Variants in RHOQ observed in about 807,000 individuals in gnomAD.
The protein encoded by RHOQ is ras homolog family member Q, also known as rho-related GTP-binding protein RhoQ.
RHOQ carries 7 observed loss-of-function variants against 25.8 expected under a neutral mutation model. The ratio of observed to expected loss-of-function variants is 0.27; its 90% CI spans 0.15 to 0.51. RHOQ has a LOEUF of 0.51. Among genes scored for constraint, RHOQ ranks in the 20% least tolerant of loss-of-function variants. The pLI is 0.97. For missense variants in RHOQ, 165 were observed against 260.6 expected (o/e 0.63, Z 2.53); for synonymous variants, 97 against 98.6 (o/e 0.98, Z 0.10).
At chr2:46,547,426 T>C (rs978538358) in intron 2 of RHOQ, among the ~76,000 whole-genome samples, 14 of 152,232 alleles carry the variant, frequency 9.2e-5, no homozygotes, top group African/African-American at 3.4e-4. Flanking sequence ...TGACCTCTGC[T>C]GCTATTAGCA....
At chr2:46,557,497 T>C (rs972838019) in intron 2 of RHOQ, among the ~76,000 whole-genome samples, 4 of 151,870 alleles carry the variant, frequency 2.6e-5, no homozygotes, top group African/African-American at 9.7e-5. Flanking sequence ...TTAAAGAAAA[T>C]GCACATGTAT....
chr2:46,554,640 G>A (rs549030757), intron 2 of RHOQ, among the ~76,000 whole-genome samples: 1 of 152,252 alleles, frequency 6.6e-6, no homozygotes, highest in East Asian at 1.9e-4. Flanking sequence ...GTCACAAGGA[G>A]TGGCTGAAGG....
chr2:46,573,440 C>T (rs1050267056), intron 2 of RHOQ, among the ~76,000 whole-genome samples: 1 of 152,216 alleles, frequency 6.6e-6, no homozygotes, highest in Non-Finnish European at 1.5e-5. Flanking sequence ...AGTAACATTT[C>T]TTTCCAAGGA....
rs761625689 is a variant in RHOQ at position 46,559,151 on chromosome 2, T to TTTGTTG, written c.201+15357_201+15362dup. Among the ~76,000 whole-genome samples the TTTGTTG allele has an allele frequency of 4.6e-5, 7 of 151,930 alleles. 1 individual carries two copies. In the East Asian group the frequency reaches 7.7e-4, roughly 17 times the overall value. On this transcript the variant is annotated intron_variant, in intron 2 of 4. Coordinates refer to ENST00000238738, the MANE Select transcript of RHOQ (RefSeq NM_012249.4). ...TGTTTGTTTGTTTCTTTGGTTTCTT[T>TTTGTTG]TTGTTGTTGTTGTTGTTGTTGTTTG...
At position 46,583,592 on chromosome 2, in the gene RHOQ, T is replaced by C. The variant is rs1311596280; in HGVS notation, c.*2509T>C. Among the ~76,000 whole-genome samples, 1 of 152,152 alleles carries C rather than the reference T, an allele frequency of 6.6e-6. No individual in the cohort carries two copies. The highest frequency in any genetic ancestry group is 1.5e-5 in the Non-Finnish European group (1 of 68,004). ...GCTTTGGTTCTTTAGTTTTTCTTTTTGCAAAAATCCTTCCTGTCACTTTAA... is the reference window on the plus strand; with the variant it reads ...GCTTTGGTTCTTTAGTTTTTCTTTTCGCAAAAATCCTTCCTGTCACTTTAA... On this transcript the variant is annotated 3_prime_UTR_variant, in exon 5 of 5. Transcript: ENST00000238738.
intron 2 of RHOQ, among the ~76,000 whole-genome samples, chr2:46,545,988 A>G (rs1668032208): frequency 6.6e-6 from 1 of 152,302 alleles, no homozygotes; most frequent in Admixed American, 6.5e-5. Context: ...AATGCTGGAC[A>G]CCATTGGTGG....
At chr2:46,544,184 T>C (rs1482379598) in intron 2 of RHOQ, among the ~76,000 whole-genome samples, 1 of 152,112 alleles carries the variant, frequency 6.6e-6, no homozygotes, top group Non-Finnish European at 1.5e-5. Context: ...TGGTCCCTCA[T>C]TGGTGAGTGG....
chr2:46,571,948 G>C (rs1281358550), intron 2 of RHOQ, among the ~76,000 whole-genome samples: 2 of 152,060 alleles, frequency 1.3e-5, no homozygotes, highest in African/African-American at 4.8e-5. Flanking sequence ...GCAGAAGTAA[G>C]GCTCATGGGC....
rs185944343 is a variant in RHOQ at position 46,563,463 on chromosome 2, C to T, written c.202-12624C>T. Among the ~76,000 whole-genome samples the T allele has an allele frequency of 6.7e-3, 1,024 of 152,174 alleles. 34 individuals carry two copies. Among genetic ancestry groups the T allele is most frequent in the Admixed American group, 0.052 (800 of 15,288 alleles). On this transcript the variant is annotated intron_variant, in intron 2 of 4. Coordinates refer to ENST00000238738, the MANE Select transcript of RHOQ (RefSeq NM_012249.4). ...TGAGGCTATTTGTTTTGTGATAGGC[C>T]GGGAAGAGCCCCCACGGGGAACCGT...
At chr2:46,564,525 T>G (rs2104008293) in intron 2 of RHOQ, among the ~76,000 whole-genome samples, 1 of 152,316 alleles carries the variant, frequency 6.6e-6, no homozygotes, top group East Asian at 1.9e-4. Context: ...AGATGGCAGA[T>G]TGCACTGTAT....
In RHOQ at chr2:46,583,043, A is replaced by AATT. The variant is rs1236381925; in HGVS notation, c.*1962_*1964dup. 1 of 152,330 alleles carries AATT rather than the reference A, an allele frequency of 6.6e-6. No individual in the cohort carries two copies. The allele number at this position is 152,330 out of a possible 1,614,324, so 9.4% of individuals were successfully genotyped here. A position where few individuals can be genotyped will look rare whatever the true frequency, so the allele number is the denominator to read the frequency against. On this transcript the variant is annotated 3_prime_UTR_variant, in exon 5 of 5. Coordinates refer to ENST00000238738, the MANE Select transcript of RHOQ (RefSeq NM_012249.4). Reference sequence around the variant, plus strand: ...AAAATTGAAAGGAATTGTATAAATCAATTAACATATTAGCTGAGTTGTCCA... The same window carrying AATT: ...AAAATTGAAAGGAATTGTATAAATCAATTATTAACATATTAGCTGAGTTGTCCA...
chr2:46,559,313 T>C (rs1206441283), intron 2 of RHOQ, among the ~76,000 whole-genome samples: 1 of 152,230 alleles, frequency 6.6e-6, no homozygotes, highest in African/African-American at 2.4e-5. Context: ...TTTTTGATGG[T>C]ATATCATCTC....
chr2:46,545,545 C>T (rs904370797), intron 2 of RHOQ, among the ~76,000 whole-genome samples: 1 of 152,138 alleles, frequency 6.6e-6, no homozygotes, highest in Non-Finnish European at 1.5e-5. Context: ...CATAAAACAA[C>T]CCCATGAGAT....
intron 2 of RHOQ, among the ~76,000 whole-genome samples, chr2:46,562,156 A>G (rs970250095): frequency 6.6e-6 from 1 of 152,130 alleles, no homozygotes; most frequent in Middle Eastern, 3.4e-3. Flanking sequence ...ATGCAATTTC[A>G]CCAGACTGTA....
chr2:46,543,619 G>A, intron 1 of RHOQ, 135 bp from the exon 2 acceptor site: 1 of 733,722 alleles, frequency 1.4e-6, no homozygotes, highest in Non-Finnish European at 2.4e-6. Context: ...ACGGGAAAAG[G>A]GGGTGACATC....
chr2:46,555,508 C>T lies in RHOQ; in HGVS notation c.201+11696C>T, dbSNP rs1668385204. On this transcript the variant is annotated intron_variant, in intron 2 of 4. Transcript: ENST00000238738. The surrounding 1 kb of genome is among the most constrained non-coding windows in gnomAD (Gnocchi z 4.3). Reference sequence around the variant, plus strand: ...ATCCATATTGGCTTTCCTATCAGCTCATTTGAGAGGAAATTCTGACCTGTC... The same window carrying T: ...ATCCATATTGGCTTTCCTATCAGCTTATTTGAGAGGAAATTCTGACCTGTC... Among the ~76,000 whole-genome samples, 2 of 152,172 alleles carry T rather than the reference C, an allele frequency of 1.3e-5. No homozygotes were observed. The highest frequency in any genetic ancestry group is 1.5e-5 in the Non-Finnish European group (1 of 68,032).
Position 46,543,110 on chromosome 2 carries a change from A to C in RHOQ, c.64A>C (p.Lys22Gln). The change falls in exon 1 of 5, where the codon AAG (lysine) becomes CAG (glutamine). Residue 22 changes from lysine to glutamine, a missense_variant. Coordinates refer to ENST00000238738, the MANE Select transcript of RHOQ (RefSeq NM_012249.4). ...CVVVGDGAVG[K>Q]TCLLMSYAND... ...GGTGGTCGGCGACGGGGCGGTGGGC[A>C]AGACGTGCCTACTCATGAGCTATGC... 2 of 1,610,292 alleles carry C rather than the reference A, an allele frequency of 1.2e-6. No individual in the cohort carries two copies. The highest frequency in any genetic ancestry group is 1.7e-6 in the Non-Finnish European group (2 of 1,178,586).
At chr2:46,551,770 G>C (rs931905721) in intron 2 of RHOQ, among the ~76,000 whole-genome samples, 1 of 152,202 alleles carries the variant, frequency 6.6e-6, no homozygotes, top group Non-Finnish European at 1.5e-5. Context: ...GCTCAGGGTA[G>C]ACTGAGGGGC....
intron 2 of RHOQ, among the ~76,000 whole-genome samples, chr2:46,575,384 T>C (rs1412494963): frequency 4.7e-5 from 7 of 148,038 alleles, no homozygotes; most frequent in Non-Finnish European, 1.0e-4. Flanking sequence ...ACTGTGTATG[T>C]TTCTCTTTAA....
Sources: allele counts gnomAD v4.1 joint callset (sites outside exome capture counted in the v4.1 genomes callset), GRCh38; gene constraint gnomAD v4.1.1; non-coding constraint Gnocchi (gnomAD v3.1); transcripts MANE v1.5; gene names NCBI Gene and HGNC (gene_info 2026-07-23, HGNC 2026-07-21).